CENPC: variants seen among roughly 807,000 people sequenced by gnomAD.
CENPC encodes the protein CENP-C 1.
Under a neutral mutation model 112.1 loss-of-function variants are expected in CENPC, and 63 were observed. The observed-to-expected ratio is 0.56, with a 90% CI of 0.46 to 0.69. The LOEUF is 0.69. Ranked by LOEUF, CENPC falls within the 30% of genes least tolerant of loss-of-function variation. The probability of loss-of-function intolerance (pLI) is 0.00; values close to 1 mark genes in which losing one functional copy is unlikely to be tolerated. For missense variants in CENPC, 1,000 were observed against 1,103.8 expected (o/e 0.91, Z 1.33); for synonymous variants, 333 against 367.6 (o/e 0.91, Z 1.08).
chr4:67,482,135 T>C (rs1724974242), intron 17 of CENPC, among the ~76,000 whole-genome samples: 2 of 151,926 alleles, frequency 1.3e-5, no homozygotes, highest in Admixed American at 1.3e-4. Flanking sequence ...CAAAAGAAGA[T>C]ATACAAATGG....
At position 67,514,254 on chromosome 4, in the gene CENPC, T is replaced by C. The variant is rs1392139799; in HGVS notation, c.1264A>G (p.Arg422Gly). 6.2e-7 allele frequency: 1 copy of C among 1,612,198 alleles called. No individual in the cohort carries two copies. The highest frequency in any genetic ancestry group is 8.5e-7 in the Non-Finnish European group (1 of 1,179,010). Residue 422 changes from arginine to glycine, a missense_variant, in exon 8 of 19, where the codon AGA becomes GGA. Physicochemically the swap from Arg to Gly is moderately radical, Grantham distance 125 (BLOSUM62 -2). Transcript: ENST00000273853. Reference sequence around the variant, plus strand: ...GCTGGTTTAGCCATGAATTTTCTTCTCTGTTTTTGTTTTATAGTCCTTTTG... The same window carrying C: ...GCTGGTTTAGCCATGAATTTTCTTCCCTGTTTTTGTTTTATAGTCCTTTTG... ...RSKRTIKQKQ[R>G]RKFMAKPAEE...
chr4:67,529,317 T>C (rs548032522), intron 5 of CENPC, among the ~76,000 whole-genome samples: 3 of 151,976 alleles, frequency 2.0e-5, no homozygotes, highest in African/African-American at 7.2e-5. Context: ...GTCCTTCAGA[T>C]TTATTTATTT....
intron 5 of CENPC, among the ~76,000 whole-genome samples, chr4:67,525,576 A>C (rs746809754): frequency 9.2e-5 from 14 of 152,252 alleles, no homozygotes; most frequent in Admixed American, 2.6e-4. Flanking sequence ...AAAAAAGCTC[A>C]TCATCACTGG....
intron 17 of CENPC, among the ~76,000 whole-genome samples, chr4:67,481,373 C>T (rs979919899): frequency 2.6e-5 from 4 of 152,288 alleles, no homozygotes; most frequent in African/African-American, 9.6e-5. Context: ...AAAATACTAT[C>T]ATCATTCTTC....
rs1411056927 is a variant in CENPC, at chr4:67,545,378, G to T, written c.-23C>A. 4 of 1,519,110 alleles carry T rather than the reference G, an allele frequency of 2.6e-6. No homozygotes were observed. In the South Asian group the frequency reaches 4.9e-5, roughly 19 times the overall value. The allele number at this position is 1,519,110 out of a possible 1,614,324, so 94.1% of individuals were successfully genotyped here. A position where few individuals can be genotyped will look rare whatever the true frequency, so the allele number is the denominator to read the frequency against. ...CATGTTCCGGCCCCGCTGAGCCAGC[G>T]CAACTGTCTGAGGTGGAAGCCCACA... On this transcript the variant is annotated 5_prime_UTR_variant, in exon 1 of 19. Transcript: ENST00000273853.
intron 17 of CENPC, among the ~76,000 whole-genome samples, chr4:67,484,395 C>T (rs930311801): frequency 2.6e-5 from 4 of 152,192 alleles, no homozygotes; most frequent in Non-Finnish European, 5.9e-5. Context: ...ATGTCCCCAA[C>T]CCCCAGGACA....
intron 16 of CENPC, among the ~76,000 whole-genome samples, chr4:67,490,924 C>T (rs1486367102): frequency 7.2e-6 from 1 of 139,724 alleles, no homozygotes; most frequent in Non-Finnish European, 1.5e-5. Flanking sequence ...ATAGTAGATT[C>T]AAGAAACAAA....
In CENPC at chr4:67,514,290, G is replaced by A; in HGVS notation, c.1228C>T (p.Pro410Ser). The part of the protein sequence containing the change: ...YEMYSKNAEK[P>S]SRSKRTIKQK... ...TTTATAGTCCTTTTGCTTCTAGATGGTTTTTCTGCATTCTTGGAATACATT... is the reference window on the plus strand; with the variant it reads ...TTTATAGTCCTTTTGCTTCTAGATGATTTTTCTGCATTCTTGGAATACATT... The change falls in exon 8 of 19, where the codon CCA becomes TCA. Residue 410 changes from proline (P) to serine (S), a missense_variant. Coordinates refer to ENST00000273853, the MANE Select transcript of CENPC (RefSeq NM_001812.4). 1.2e-6 allele frequency: 2 copies of A among 1,610,018 alleles called. No homozygotes were observed. The highest frequency in any genetic ancestry group is 1.7e-6 in the Non-Finnish European group (2 of 1,177,602).
chr4:67,501,718 G>T (rs745793033), intron 12 of CENPC, among the ~76,000 whole-genome samples: 1 of 152,142 alleles, frequency 6.6e-6, no homozygotes, highest in Non-Finnish European at 1.5e-5. Flanking sequence ...TTATATCCTT[G>T]TCTTGCTGAA....
chr4:67,535,494 T>C (rs1289531024), intron 4 of CENPC, among the ~76,000 whole-genome samples: 2 of 151,770 alleles, frequency 1.3e-5, no homozygotes, highest in East Asian at 3.9e-4. Context: ...AATGTGTCTA[T>C]GCATACTAAG....
At chr4:67,531,762 G>A (rs1726557308) in intron 4 of CENPC, among the ~76,000 whole-genome samples, 1 of 152,194 alleles carries the variant, frequency 6.6e-6, no homozygotes, top group South Asian at 2.1e-4. Context: ...CCTATATATG[G>A]ATTCCTCCAG....
At chr4:67,544,477 A>G (rs1726972079) in intron 1 of CENPC, among the ~76,000 whole-genome samples, 1 of 152,236 alleles carries the variant, frequency 6.6e-6, no homozygotes, top group Non-Finnish European at 1.5e-5. Flanking sequence ...ATATGTGCTC[A>G]TAGTAAAAAG....
chr4:67,501,522 G>A (rs958249467), intron 12 of CENPC, among the ~76,000 whole-genome samples: 3 of 152,146 alleles, frequency 2.0e-5, no homozygotes, highest in Non-Finnish European at 4.4e-5. Flanking sequence ...TAAGGGACAT[G>A]GCAGCTAAAT....
rs187233311 is a variant in CENPC at position 67,498,927 on chromosome 4, T to C, written c.2132-3715A>G. Among the ~76,000 whole-genome samples the C allele has an allele frequency of 2.5e-3, 382 of 152,370 alleles. 2 individuals are homozygous for C. Among genetic ancestry groups the C allele is most frequent in the African/African-American group, 8.6e-3 (357 of 41,592 alleles). On this transcript the variant is annotated intron_variant, in intron 12 of 18. Coordinates refer to ENST00000273853, the MANE Select transcript of CENPC (RefSeq NM_001812.4). ...CAGAGGAATCACTACTTGTGGCAGC[T>C]ACTGCCTTACAAAATTTATTTCTTA...
intron 5 of CENPC, among the ~76,000 whole-genome samples, chr4:67,526,021 A>G (rs1726366198): frequency 6.6e-6 from 1 of 152,208 alleles, no homozygotes; most frequent in African/African-American, 2.4e-5. Context: ...TGTCCTTTGC[A>G]GGGACATGGA....
chr4:67,528,698 A>G (rs1323881215), intron 5 of CENPC, among the ~76,000 whole-genome samples: 1 of 152,218 alleles, frequency 6.6e-6, no homozygotes, highest in South Asian at 2.1e-4. Flanking sequence ...TATAAATCAC[A>G]TGCTGTTTAT....
intron 9 of CENPC, 175 bp downstream of exon 9, chr4:67,512,227 T>G (rs1224212465): frequency 1.9e-6 from 1 of 520,408 alleles, no homozygotes; most frequent in East Asian, 3.5e-5. Context: ...CCTAAAATAC[T>G]GTATATATTA....
chr4:67,542,396 T>C (rs1333889310), intron 2 of CENPC, among the ~76,000 whole-genome samples: 1 of 152,224 alleles, frequency 6.6e-6, no homozygotes, highest in Non-Finnish European at 1.5e-5. Context: ...GGAAAAGTAC[T>C]ATATATGCAG....
intron 7 of CENPC, among the ~76,000 whole-genome samples, chr4:67,516,698 A>AAT (rs1257208363): frequency 6.6e-6 from 1 of 152,074 alleles, no homozygotes; most frequent in African/African-American, 2.4e-5. Flanking sequence ...TTAAACAGAA[A>AAT]TGATATCCTT....
Sources: gnomAD v4.1 joint callset for allele counts (sites outside exome capture counted in the v4.1 genomes callset) on GRCh38, gnomAD v4.1.1 for gene constraint, MANE v1.5 for transcripts, NCBI Gene and HGNC (gene_info 2026-07-23, HGNC 2026-07-21) for gene names.